CEP162: variants seen among roughly 807,000 people sequenced by gnomAD.
The protein encoded by CEP162 is centrosomal protein of 162 kDa.
In CEP162, 141 loss-of-function variants were observed where a neutral mutation model predicts 169.2. That is an observed-to-expected ratio of 0.83 (90% CI 0.73 to 0.96). The LOEUF (loss-of-function observed/expected upper bound fraction) is 0.96, where lower values mean the gene tolerates loss of function less well. Among genes scored for constraint, CEP162 ranks in the 40% least tolerant of loss-of-function variants. The pLI is 0.00. For synonymous variants in CEP162, 540 were observed against 526.4 expected (o/e 1.03, Z -0.35); for missense variants, 1,600 against 1,587.2 (o/e 1.01, Z -0.14).
chr6:84,213,540 T>C (rs1430189016), intron 5 of CEP162, among the ~76,000 whole-genome samples: 4 of 152,222 alleles, frequency 2.6e-5, no homozygotes, highest in Admixed American at 1.3e-4. Context: ...TTGGATGTAT[T>C]AGTTCATATA....
intron 11 of CEP162, among the ~76,000 whole-genome samples, chr6:84,189,480 C>T (rs2099538778): frequency 6.6e-6 from 1 of 152,228 alleles, no homozygotes. Context: ...GCCAGCCCTG[C>T]TGGCCCTGGG....
intron 21 of CEP162, among the ~76,000 whole-genome samples, 157 bp downstream of exon 21, chr6:84,160,655 G>GCATATAT (rs1316595914): frequency 6.6e-6 from 1 of 152,056 alleles, no homozygotes; most frequent in African/African-American, 2.4e-5. Context: ...TAAAGCTGTA[G>GCATATAT]GTATATAAAA....
chr6:84,144,583 T>C (rs1330717343), intron 25 of CEP162, among the ~76,000 whole-genome samples: 1 of 152,118 alleles, frequency 6.6e-6, no homozygotes, highest in Middle Eastern at 3.2e-3. Flanking sequence ...GAAAGCACTC[T>C]GACAAATACA....
chr6:84,162,033 G>A, intron 19 of CEP162, 124 bp from the exon 20 acceptor site: 1 of 643,734 alleles, frequency 1.6e-6, no homozygotes, highest in Non-Finnish European at 2.6e-6. Flanking sequence ...AAAATAAGAA[G>A]CATAAAACAA....
Position 84,185,296 on chromosome 6 carries a change from G to C in CEP162, c.1554C>G (p.Pro518=). 6.2e-7 allele frequency: 1 copy of C among 1,613,644 alleles called. No homozygotes were observed. Among genetic ancestry groups the C allele is most frequent in the Non-Finnish European group, 8.5e-7 (1 of 1,179,672 alleles). ...TAGAAAACATCTTGAGTGGTGAACT[G>C]GGTTTGCCATAGCCTGAGCTCCTAA... The part of the protein sequence containing the change: ...ASVRSSGYGK[P]SSPLKMFSTL... Residue 518 remains proline (P), a synonymous_variant, in exon 13 of 27, where the codon CCC becomes CCG. Coordinates refer to ENST00000403245, the MANE Select transcript of CEP162 (RefSeq NM_014895.4).
chr6:84,177,006 AT>A (rs1256674236), intron 13 of CEP162, among the ~76,000 whole-genome samples: 1 of 152,188 alleles, frequency 6.6e-6, no homozygotes, highest in East Asian at 1.9e-4. Context: ...AGATTTTGAC[AT>A]AAATGAATCA....
In CEP162 at chr6:84,221,130, T is replaced by C; in HGVS notation, c.99A>G (p.Arg33=). The C allele has an allele frequency of 1.9e-6, 3 of 1,600,586 alleles. No individual in the cohort carries two copies. Among genetic ancestry groups the C allele is most frequent in the Non-Finnish European group, 2.6e-6 (3 of 1,168,554 alleles). ...DSFENSDKTA[R]QSKKEMKKKD... is the part of the protein sequence containing the mutation. ...TCTTCTTCATCTCTTTTTTAGATTG[T>C]CTAGCTGTTTTGTCTGAATTTTCAA... Residue 33 remains arginine, a synonymous_variant, in exon 3 of 27, where the codon AGA becomes AGG. Coordinates refer to ENST00000403245, the MANE Select transcript of CEP162 (RefSeq NM_014895.4).
intron 3 of CEP162, among the ~76,000 whole-genome samples, chr6:84,219,599 A>G (rs537110339): frequency 6.6e-5 from 10 of 152,356 alleles, no homozygotes; most frequent in South Asian, 6.2e-4. Context: ...AGTCTAAAAC[A>G]TAATTCTTCA....
chr6:84,189,493 A>G (rs934488305), intron 11 of CEP162, among the ~76,000 whole-genome samples: 2 of 152,214 alleles, frequency 1.3e-5, no homozygotes, highest in Non-Finnish European at 2.9e-5. Flanking sequence ...GCCCTGGGCA[A>G]TGGGGGACTT....
intron 3 of CEP162, among the ~76,000 whole-genome samples, chr6:84,220,196 A>G (rs1051067606): frequency 2.0e-5 from 3 of 152,198 alleles, no homozygotes; most frequent in Non-Finnish European, 4.4e-5. Flanking sequence ...GCCCATATGT[A>G]TATTTTTTCC....
At chr6:84,137,181 T>A (rs981307843) in intron 25 of CEP162, among the ~76,000 whole-genome samples, 1 of 152,224 alleles carries the variant, frequency 6.6e-6, no homozygotes, top group East Asian at 1.9e-4. Flanking sequence ...TGAACTGCTG[T>A]GAGAATGACT....
At chr6:84,193,895 T>A (rs2099540959) in intron 10 of CEP162, among the ~76,000 whole-genome samples, 1 of 152,162 alleles carries the variant, frequency 6.6e-6, no homozygotes, top group South Asian at 2.1e-4. Flanking sequence ...AATATCAATA[T>A]CAAATATATT....
chr6:84,134,867 G>A (rs1280265821), intron 25 of CEP162, among the ~76,000 whole-genome samples: 3 of 150,202 alleles, frequency 2.0e-5, no homozygotes, highest in African/African-American at 7.4e-5. Context: ...ATTTTGAAAT[G>A]GTATAATAGA....
chr6:84,201,147 A>G (rs923494794), intron 8 of CEP162, among the ~76,000 whole-genome samples: 12 of 152,112 alleles, frequency 7.9e-5, no homozygotes, highest in East Asian at 1.9e-4. Flanking sequence ...GCGTGGTGGC[A>G]GGCGCCTGTA....
At chr6:84,128,559 G>A (rs1588685395) in intron 25 of CEP162, among the ~76,000 whole-genome samples, 1 of 152,108 alleles carries the variant, frequency 6.6e-6, no homozygotes, top group Non-Finnish European at 1.5e-5. Context: ...CCATATAGAA[G>A]TTATTTCACT....
intron 25 of CEP162, among the ~76,000 whole-genome samples, chr6:84,134,961 T>C (rs570825486): frequency 7.3e-5 from 11 of 150,330 alleles, no homozygotes; most frequent in African/African-American, 2.5e-4. Context: ...CACACATATA[T>C]AGTGTTAGGT....
At chr6:84,210,710 A>G (rs2099549108) in intron 6 of CEP162, among the ~76,000 whole-genome samples, 1 of 152,208 alleles carries the variant, frequency 6.6e-6, no homozygotes, top group African/African-American at 2.4e-5. Flanking sequence ...GCATAAAATG[A>G]GCCAAGAACA....
chr6:84,149,963 A>G (rs867412465), intron 23 of CEP162, among the ~76,000 whole-genome samples: 1 of 152,118 alleles, frequency 6.6e-6, no homozygotes, highest in Non-Finnish European at 1.5e-5. Context: ...CCCCAACCTG[A>G]GGCTACACTT....
Position 84,201,393 on chromosome 6 carries a change from A to G in CEP162, c.718+344T>C, listed in dbSNP as rs59424837. Among the ~76,000 whole-genome samples the G allele has an allele frequency of 3.0e-3, 453 of 152,316 alleles. 2 individuals carry two copies. Among genetic ancestry groups the G allele is most frequent in the African/African-American group, 9.9e-3 (413 of 41,580 alleles). On this transcript the variant is annotated intron_variant, in intron 8 of 26. Transcript: ENST00000403245. ...TTATATATGTATATATGTTACAAGC[A>G]TGTTTTATCTATGTGTGTGTGTGTG...
Sources: allele counts gnomAD v4.1 joint callset (sites outside exome capture counted in the v4.1 genomes callset), GRCh38; gene constraint gnomAD v4.1.1; transcripts MANE v1.5; gene names NCBI Gene and HGNC (gene_info 2026-07-23, HGNC 2026-07-21).